The following WDR93 variants were observed in gnomAD, a reference collection of about 807,000 sequenced individuals.
WDR93 encodes WD repeat domain 93, also known as WD repeat-containing protein 93.
WDR93 carries 73 observed loss-of-function variants against 82.9 expected under a neutral mutation model. That is an observed-to-expected ratio of 0.88 (90% CI 0.73 to 1.07). WDR93 has a LOEUF of 1.07. Among genes scored for constraint, WDR93 ranks in the 50% least tolerant of loss-of-function variants. The pLI is 0.00. For missense variants in WDR93, 738 were observed against 826.0 expected (o/e 0.89, Z 1.31); for synonymous variants, 283 against 300.1 (o/e 0.94, Z 0.59).
At chr15:89,702,450 C>T (rs1247246564) in intron 2 of WDR93, among the ~76,000 whole-genome samples, 1 of 152,102 alleles carries the variant, frequency 6.6e-6, no homozygotes, top group Non-Finnish European at 1.5e-5. Flanking sequence ...TTGTTTTTCT[C>T]TATTCTCTTT....
intron 11 of WDR93, 40 bp downstream of exon 11, chr15:89,729,809 C>T: frequency 2.6e-6 from 4 of 1,520,822 alleles, no homozygotes; most frequent in Non-Finnish European, 2.7e-6. Flanking sequence ...AAGCTCAGGA[C>T]TTGCAGACAT....
chr15:89,712,396 CTTTTTTTTTT>C (rs1170109589), intron 5 of WDR93, among the ~76,000 whole-genome samples: 4 of 80,534 alleles, frequency 5.0e-5, no homozygotes, highest in Non-Finnish European at 8.8e-5. Context: ...TTCCACTAAT[CTTTTTTTTTT>C]TTTTTTTTTT....
Position 89,703,353 on chromosome 15 carries a change from TA to T in WDR93, c.496+212del, listed in dbSNP as rs1965566362. ...GCCCATTTAATCCTCATGGCAGCCT[TA>T]GGGGGGAAGTAAAATTTTTTATTCC... On this transcript the variant is annotated intron_variant, in intron 3 of 16. Transcript: ENST00000268130. 1.0e-5 allele frequency: 6 copies of T among 586,520 alleles called. No individual in the cohort carries two copies. The East Asian group carries it at 1.7e-4, about 17-fold the overall frequency. The allele number at this position is 586,520 out of a possible 1,614,324, so 36.3% of individuals were successfully genotyped here. A position where few individuals can be genotyped will look rare whatever the true frequency, so the allele number is the denominator to read the frequency against.
chr15:89,722,247 A>G, intron 8 of WDR93, 108 bp downstream of exon 8: 1 of 983,576 alleles, frequency 1.0e-6, no homozygotes, highest in East Asian at 2.7e-5. Context: ...CAAAATTACA[A>G]ACATAGTTAT....
chr15:89,723,871 G>C (rs972256680), intron 8 of WDR93, among the ~76,000 whole-genome samples: 8 of 152,172 alleles, frequency 5.3e-5, no homozygotes, highest in African/African-American at 1.7e-4. Context: ...GTAAATATAT[G>C]AAAGGCAAAG....
At chr15:89,706,311 A>C (rs942664653) in intron 4 of WDR93, among the ~76,000 whole-genome samples, 2 of 147,618 alleles carry the variant, frequency 1.4e-5, no homozygotes, top group African/African-American at 5.0e-5. Flanking sequence ...TATTACTCAG[A>C]GTAAGGTTTT....
intron 16 of WDR93, among the ~76,000 whole-genome samples, chr15:89,740,862 G>A (rs778233986): frequency 2.6e-5 from 4 of 152,102 alleles, no homozygotes; most frequent in Admixed American, 6.5e-5. Context: ...TAAATTGGCC[G>A]GGCGCGGTGG....
At chr15:89,738,002 G>C (rs564652388) in intron 15 of WDR93, 39 bp from the exon 16 acceptor site, 28 of 1,560,386 alleles carry the variant, frequency 1.8e-5, no homozygotes, top group African/African-American at 1.2e-4. Flanking sequence ...CTGAGAAAGC[G>C]ATTGTTACAC....
At chr15:89,723,830 C>G (rs2141667840) in intron 8 of WDR93, among the ~76,000 whole-genome samples, 1 of 152,260 alleles carries the variant, frequency 6.6e-6, no homozygotes, top group South Asian at 2.1e-4. Flanking sequence ...TCATGTCGTA[C>G]ACAAAACTAA....
rs765203860 is a variant in WDR93, at chr15:89,729,084, G to A, written c.1114G>A (p.Gly372Ser). Residue 372 changes from glycine to serine, a missense_variant, in exon 10 of 17, where the codon GGC becomes AGC. Transcript: ENST00000268130. ...CLFAMPPEVKGPSGMACVLGI... is the reference protein window; with the variant it reads ...CLFAMPPEVKSPSGMACVLGI... ...ATTTGCAATGCCACCGGAAGTCAAG[G>A]GCCCCTCAGGTAAATGAACATGAAG... 10 of 1,613,848 alleles carry A rather than the reference G, an allele frequency of 6.2e-6. No individual in the cohort carries two copies. In the Admixed American group the frequency reaches 1.3e-4, roughly 22 times the overall value.
chr15:89,727,107 G>C, intron 8 of WDR93, 50 bp from the exon 9 acceptor site: 6 of 1,582,230 alleles, frequency 3.8e-6, no homozygotes, highest in Non-Finnish European at 5.2e-6. Context: ...GGAAAATCAG[G>C]AAAGGGGGAG....
intron 13 of WDR93, among the ~76,000 whole-genome samples, chr15:89,734,415 T>G (rs1966993804): frequency 6.6e-6 from 1 of 152,180 alleles, no homozygotes; most frequent in Admixed American, 6.5e-5. Context: ...TGGTCTCTCC[T>G]GCAGACTAGT....
At chr15:89,715,136 A>T (rs775372042) in intron 6 of WDR93, 41 bp downstream of exon 6, 108 of 1,570,306 alleles carry the variant, frequency 6.9e-5, no homozygotes, top group Non-Finnish European at 8.7e-5. Flanking sequence ...GTTTCTCCCT[A>T]CCCCTGACCC....
intron 6 of WDR93, 64 bp downstream of exon 6, chr15:89,715,159 A>G: frequency 6.9e-7 from 1 of 1,452,910 alleles, no homozygotes; most frequent in Non-Finnish European, 9.4e-7. Context: ...ATCTAGCCCA[A>G]GTCCTTGGAA....
chr15:89,741,324 G>A (rs773204091), intron 16 of WDR93, among the ~76,000 whole-genome samples: 5 of 151,616 alleles, frequency 3.3e-5, no homozygotes, highest in South Asian at 2.1e-4. Context: ...TTGACTTCCC[G>A]GGCTCAGGCA....
rs759186870 is a variant in WDR93 at position 89,737,763 on chromosome 15, C to A, written c.1765+34C>A. 13 of 1,612,670 alleles carry A rather than the reference C, an allele frequency of 8.1e-6. No individual in the cohort carries two copies. The Admixed American group carries it at 2.2e-4, about 27-fold the overall frequency. On this transcript the variant is annotated intron_variant, in intron 15 of 16. Transcript: ENST00000268130. ...AGGGACCAGGGCTGATGCCCACTGACCATTTCCCTGACTTAGTTCTCTCAC... is the reference window on the plus strand; with the variant it reads ...AGGGACCAGGGCTGATGCCCACTGAACATTTCCCTGACTTAGTTCTCTCAC...
At chr15:89,739,039 C>G (rs1246362437) in intron 16 of WDR93, among the ~76,000 whole-genome samples, 1 of 151,682 alleles carries the variant, frequency 6.6e-6, no homozygotes, top group Non-Finnish European at 1.5e-5. Flanking sequence ...TTGCTTGAAC[C>G]TGGGAGGCAG....
At chr15:89,696,186 A>G (rs895894309) in intron 1 of WDR93, among the ~76,000 whole-genome samples, 5 of 151,982 alleles carry the variant, frequency 3.3e-5, no homozygotes, top group African/African-American at 1.2e-4. Flanking sequence ...GTTCCCCATT[A>G]CTCAGTTTGC....
intron 14 of WDR93, 23 bp downstream of exon 14, chr15:89,735,576 T>G: frequency 6.2e-7 from 1 of 1,608,194 alleles, no homozygotes; most frequent in Non-Finnish European, 8.5e-7. Flanking sequence ...TGCCTCTCTG[T>G]AAATGCCCCA....
Sources: gnomAD v4.1 joint callset for allele counts (sites outside exome capture counted in the v4.1 genomes callset) on GRCh38, gnomAD v4.1.1 for gene constraint, MANE v1.5 for transcripts, NCBI Gene and HGNC (gene_info 2026-07-23, HGNC 2026-07-21) for gene names.